THSD7A: variants seen among roughly 807,000 people sequenced by gnomAD.
The protein encoded by THSD7A is thrombospondin type-1 domain-containing protein 7A.
A neutral mutation model predicts 231.3 loss-of-function variants in THSD7A; 96 were observed. The ratio of observed to expected loss-of-function variants is 0.41; its 90% CI spans 0.35 to 0.49. The LOEUF is 0.49. Among genes scored for constraint, THSD7A ranks in the 20% least tolerant of loss-of-function variants. The pLI is 0.05. For synonymous variants in THSD7A, 940 were observed against 743.3 expected (o/e 1.26, Z -4.30); for missense variants, 2,290 against 2,070.2 (o/e 1.11, Z -2.06).
chr7:11,799,685 G>C (rs1192619587), intron 1 of THSD7A, among the ~76,000 whole-genome samples: 2 of 152,010 alleles, frequency 1.3e-5, no homozygotes, highest in East Asian at 3.9e-4. Flanking sequence ...AGCATATTTT[G>C]GGTTTTTTCT....
rs774275136 is a variant in THSD7A, at chr7:11,481,951, A to G, written c.1854T>C (p.Asp618=). The change falls in exon 7 of 28, where the codon GAT becomes GAC. Residue 618 remains aspartate (D), a synonymous_variant. Transcript: ENST00000423059. ...AGGCCACAGGGATGGGGAAGATGGC[A>G]TCTCTGCACAGCTGTCTGTCAACTT... ...GEEVDRQLCR[D]AIFPIPVACD... is the part of the protein sequence containing the mutation. 6.2e-7 allele frequency: 1 copy of G among 1,612,812 alleles called. No homozygotes were observed.
intron 1 of THSD7A, among the ~76,000 whole-genome samples, chr7:11,774,973 T>G (rs531988817): frequency 6.6e-6 from 1 of 152,084 alleles, no homozygotes; most frequent in Non-Finnish European, 1.5e-5. Flanking sequence ...GATAATCTCT[T>G]GAACCCAGGA....
chr7:11,537,413 C>T (rs1474881060), intron 6 of THSD7A, among the ~76,000 whole-genome samples: 1 of 152,100 alleles, frequency 6.6e-6, no homozygotes, highest in African/African-American at 2.4e-5. Flanking sequence ...TTCTTATGAA[C>T]GCTTTAGCAC....
intron 2 of THSD7A, among the ~76,000 whole-genome samples, chr7:11,603,706 G>T (rs1020312208): frequency 3.3e-5 from 5 of 151,202 alleles, no homozygotes; most frequent in South Asian, 4.2e-4. Flanking sequence ...CCATAAAAAA[G>T]GATGAGTTCA....
At position 11,448,135 on chromosome 7, in the gene THSD7A, T is replaced by A. The variant is rs553523303; in HGVS notation, c.2606-711A>T. 4.5e-4 allele frequency among the ~76,000 whole-genome samples: 69 copies of A among 152,302 alleles called. 1 individual carries two copies. The highest frequency in any genetic ancestry group is 1.7e-3 in the African/African-American group (69 of 41,576). Reference sequence around the variant, plus strand: ...AAAATTTTCAATAATCTTCATTTATTATGTTAAAATTTGTAGTTCTAAAAT... The same window carrying A: ...AAAATTTTCAATAATCTTCATTTATAATGTTAAAATTTGTAGTTCTAAAAT... On this transcript the variant is annotated intron_variant, in intron 11 of 27. Transcript: ENST00000423059.
intron 6 of THSD7A, among the ~76,000 whole-genome samples, chr7:11,486,001 A>C (rs17164658): frequency 0.018 from 2,776 of 152,342 alleles, 86 homozygotes; most frequent in African/African-American, 0.063. Flanking sequence ...TTTTTAAGCT[A>C]AATCTTCAGC....
At chr7:11,763,730 C>CAATA (rs1782937465) in intron 1 of THSD7A, among the ~76,000 whole-genome samples, 1 of 151,982 alleles carries the variant, frequency 6.6e-6, no homozygotes, top group Non-Finnish European at 1.5e-5. Flanking sequence ...ATATTTGTAG[C>CAATA]TGGTTATTAA....
In THSD7A at chr7:11,570,367, G is replaced by A. The variant is rs962377649; in HGVS notation, c.1453+20093C>T. On this transcript the variant is annotated intron_variant, in intron 4 of 27. Transcript: ENST00000423059. ...CAGAGAAGGGTAGTGGAAAGAGGGG[G>A]ATGAGAAGAGGATGGTTAATGGGGC... 2.0e-5 allele frequency among the ~76,000 whole-genome samples: 3 copies of A among 152,214 alleles called. No homozygotes were observed. The East Asian group carries it at 5.8e-4, about 29-fold the overall frequency.
intron 6 of THSD7A, among the ~76,000 whole-genome samples, chr7:11,514,863 G>A (rs62435234): frequency 2.0e-5 from 3 of 152,004 alleles, no homozygotes; most frequent in East Asian, 1.9e-4. Context: ...ATGACTGCAC[G>A]AAAGCTCCAA....
intron 1 of THSD7A, among the ~76,000 whole-genome samples, chr7:11,810,018 G>A (rs1378324163): frequency 6.6e-6 from 1 of 152,068 alleles, no homozygotes; most frequent in Non-Finnish European, 1.5e-5. Context: ...GTATGGGATA[G>A]GAACAAATCA....
intron 1 of THSD7A, among the ~76,000 whole-genome samples, chr7:11,673,901 G>T (rs1783521436): frequency 1.3e-5 from 2 of 152,060 alleles, no homozygotes; most frequent in South Asian, 4.1e-4. Flanking sequence ...CAGCCTCCAT[G>T]GATACCTGCT....
chr7:11,615,673 C>T (rs1462129685), intron 2 of THSD7A, among the ~76,000 whole-genome samples: 2 of 152,090 alleles, frequency 1.3e-5, no homozygotes, highest in Non-Finnish European at 2.9e-5. Flanking sequence ...TTTGCTCAAT[C>T]CCTTCTATAG....
chr7:11,410,938 A>C (rs1261663843), intron 19 of THSD7A, among the ~76,000 whole-genome samples: 1 of 151,956 alleles, frequency 6.6e-6, no homozygotes, highest in African/African-American at 2.4e-5. Context: ...GCTTTTATTC[A>C]CCTTACGTAT....
At chr7:11,644,143 C>T (rs1291934748) in intron 1 of THSD7A, among the ~76,000 whole-genome samples, 1 of 151,444 alleles carries the variant, frequency 6.6e-6, no homozygotes, top group African/African-American at 2.4e-5. Flanking sequence ...TTCACAATAT[C>T]CTTCCCTGTT....
At chr7:11,521,992 G>A (rs1363450376) in intron 6 of THSD7A, among the ~76,000 whole-genome samples, 1 of 152,072 alleles carries the variant, frequency 6.6e-6, no homozygotes, top group African/African-American at 2.4e-5. Context: ...ATAGGATTGA[G>A]CTACATTTCT....
intron 1 of THSD7A, among the ~76,000 whole-genome samples, chr7:11,803,619 G>T (rs1243328116): frequency 6.6e-6 from 1 of 152,076 alleles, no homozygotes; most frequent in Non-Finnish European, 1.5e-5. Flanking sequence ...ATAAATAGAT[G>T]CTATTGAGGC....
chr7:11,421,983 T>C lies in THSD7A; in HGVS notation c.3383+2713A>G, dbSNP rs148110845. On this transcript the variant is annotated intron_variant, in intron 16 of 27. Transcript: ENST00000423059. ...GGAAGGCACTTTAAATTCCTTTGTTTTCTCCAAATTCTTGGCCTTTCTCCT... is the reference window on the plus strand; with the variant it reads ...GGAAGGCACTTTAAATTCCTTTGTTCTCTCCAAATTCTTGGCCTTTCTCCT... Among the ~76,000 whole-genome samples, 11 of 152,312 alleles carry C rather than the reference T, an allele frequency of 7.2e-5. No homozygotes were observed. In the East Asian group the frequency reaches 2.1e-3, roughly 29 times the overall value.
At chr7:11,568,864 A>T (rs1053446969) in intron 4 of THSD7A, among the ~76,000 whole-genome samples, 8 of 151,840 alleles carry the variant, frequency 5.3e-5, no homozygotes. Context: ...AACTGATAAA[A>T]ATAAAATTTC....
chr7:11,608,138 C>G (rs1269224755), intron 2 of THSD7A, among the ~76,000 whole-genome samples: 2 of 152,110 alleles, frequency 1.3e-5, no homozygotes, highest in African/African-American at 2.4e-5. Flanking sequence ...CAAGTGAAAA[C>G]TCTAGGTGGG....
Sources: allele counts gnomAD v4.1 joint callset (sites outside exome capture counted in the v4.1 genomes callset), GRCh38; gene constraint gnomAD v4.1.1; transcripts MANE v1.5; gene names NCBI Gene and HGNC (gene_info 2026-07-23, HGNC 2026-07-21).